The following AGBL1 variants were observed in gnomAD, a reference collection of about 807,000 sequenced individuals.
AGBL1 encodes the protein AGBL carboxypeptidase 1, also known as cytosolic carboxypeptidase 4.
AGBL1 carries 130 observed loss-of-function variants against 118.9 expected under a neutral mutation model. That is an observed-to-expected ratio of 1.09 (90% CI 0.95 to 1.26). The LOEUF is 1.26. AGBL1 is among the 50% of genes most tolerant of loss of function. AGBL1 has a pLI of 0.00. For missense variants in AGBL1, 1,584 were observed against 1,298.1 expected (o/e 1.22, Z -3.38); for synonymous variants, 555 against 478.9 (o/e 1.16, Z -2.08).
chr15:87,017,020 C>G (rs2081613658), intron 24 of AGBL1, among the ~76,000 whole-genome samples: 1 of 152,128 alleles, frequency 6.6e-6, no homozygotes, highest in Non-Finnish European at 1.5e-5. Flanking sequence ...GGAGCTAAAT[C>G]CAGGGAGCTG....
Position 86,911,597 on chromosome 15 carries a change from G to A in AGBL1, c.*4303G>A, listed in dbSNP as rs2080352773. 6.6e-6 allele frequency: 1 copy of A among 152,104 alleles called. No homozygotes were observed. The highest frequency in any genetic ancestry group is 2.4e-5 in the African/African-American group (1 of 41,420). 9.4% of individuals were successfully genotyped at this position (152,104 alleles called of 1,614,324 possible). A position where few individuals can be genotyped will look rare whatever the true frequency, so the allele number is the denominator to read the frequency against. ...TCTCTCTCATCGCACTTATGCTTGT[G>A]AGTGTCTACACACATATGCACATGC... On this transcript the variant is annotated 3_prime_UTR_variant, in exon 23 of 23. Transcript: ENST00000614907.
chr15:86,203,734 AC>A (rs2077944641), intron 5 of AGBL1, among the ~76,000 whole-genome samples: 1 of 151,976 alleles, frequency 6.6e-6, no homozygotes, highest in African/African-American at 2.4e-5. Context: ...CCTTGCCATT[AC>A]CTCCATTGTT....
At chr15:86,407,062 G>A (rs2081539594) in intron 18 of AGBL1, among the ~76,000 whole-genome samples, 2 of 152,046 alleles carry the variant, frequency 1.3e-5, no homozygotes, top group Admixed American at 1.3e-4. Context: ...TGTACTAATG[G>A]ATAGAAGTGA....
intron 21 of AGBL1, among the ~76,000 whole-genome samples, chr15:86,641,306 G>A (rs759800059): frequency 4.0e-5 from 6 of 151,898 alleles, no homozygotes; most frequent in Non-Finnish European, 5.9e-5. Context: ...ACAAATGAAT[G>A]TATAAAATAC....
chr15:86,500,288 T>C (rs1753962503), intron 18 of AGBL1, among the ~76,000 whole-genome samples: 1 of 151,776 alleles, frequency 6.6e-6, no homozygotes, highest in Non-Finnish European at 1.5e-5. Context: ...CATTAGGTTT[T>C]AGAGAACTTG....
At chr15:86,210,663 A>G (rs1277949549) in intron 5 of AGBL1, among the ~76,000 whole-genome samples, 1 of 152,208 alleles carries the variant, frequency 6.6e-6, no homozygotes, top group Non-Finnish European at 1.5e-5. Flanking sequence ...TTTCAGCTCC[A>G]TCAGGTCATT....
intron 22 of AGBL1, among the ~76,000 whole-genome samples, chr15:86,891,854 T>C (rs900213154): frequency 6.6e-6 from 1 of 152,146 alleles, no homozygotes; most frequent in African/African-American, 2.4e-5. Flanking sequence ...ACAGAAGGAA[T>C]GAGCAAATGA....
At chr15:86,574,734 C>T (rs1041285865) in intron 21 of AGBL1, among the ~76,000 whole-genome samples, 3 of 151,570 alleles carry the variant, frequency 2.0e-5, no homozygotes, top group Non-Finnish European at 2.9e-5. Flanking sequence ...AGCACCACCA[C>T]TCCTAGCTAA....
intron 18 of AGBL1, among the ~76,000 whole-genome samples, chr15:86,440,399 A>T (rs1219935887): frequency 2.0e-5 from 3 of 151,886 alleles, no homozygotes; most frequent in Non-Finnish European, 4.4e-5. Context: ...TCATCAACAA[A>T]GGAGAAGTTG....
chr15:86,283,289 G>A (rs1216697922), intron 16 of AGBL1, among the ~76,000 whole-genome samples: 1 of 151,912 alleles, frequency 6.6e-6, no homozygotes, highest in Admixed American at 6.6e-5. Context: ...TATTTTAGGA[G>A]GTAAAAAATT....
At chr15:86,722,511 A>G (rs551097959) in intron 22 of AGBL1, among the ~76,000 whole-genome samples, 2,629 of 152,276 alleles carry the variant, frequency 0.017, 86 homozygotes, top group African/African-American at 0.06. Flanking sequence ...TTAATTCAAG[A>G]TGGATTAAAG....
At chr15:86,813,862 C>G (rs2078824930) in intron 22 of AGBL1, among the ~76,000 whole-genome samples, 1 of 152,198 alleles carries the variant, frequency 6.6e-6, no homozygotes, top group Admixed American at 6.5e-5. Context: ...ATCCCATGAA[C>G]TTTGCACCTG....
chr15:86,395,148 GA>G (rs2141987036), intron 17 of AGBL1, among the ~76,000 whole-genome samples: 1 of 152,240 alleles, frequency 6.6e-6, no homozygotes, highest in Non-Finnish European at 1.5e-5. Flanking sequence ...TCTACAGGAT[GA>G]AGTCCAAATC....
At chr15:86,298,295 T>C (rs971930624) in intron 17 of AGBL1, among the ~76,000 whole-genome samples, 1 of 124,710 alleles carries the variant, frequency 8.0e-6, no homozygotes, top group African/African-American at 3.1e-5. Context: ...ACTATATATA[T>C]ATGGTAGCTA....
At chr15:86,486,189 T>C (rs2082710634) in intron 18 of AGBL1, among the ~76,000 whole-genome samples, 2 of 152,146 alleles carry the variant, frequency 1.3e-5, no homozygotes, top group South Asian at 4.1e-4. Flanking sequence ...GCACAATGTT[T>C]GGCACATGAC....
At chr15:86,885,917 C>A (rs975178708) in intron 22 of AGBL1, among the ~76,000 whole-genome samples, 42 of 152,120 alleles carry the variant, frequency 2.8e-4, no homozygotes, top group Admixed American at 2.1e-3. Context: ...GTAAAGAATT[C>A]TTTTAGTCTG....
chr15:86,166,332 C>G (rs1043126956), intron 5 of AGBL1, among the ~76,000 whole-genome samples: 1 of 152,186 alleles, frequency 6.6e-6, no homozygotes, highest in African/African-American at 2.4e-5. Flanking sequence ...TGAGGAAGGC[C>G]TTGCATTCTG....
chr15:86,522,998 C>T (rs937237148), intron 19 of AGBL1, 59 bp downstream of exon 19: 1 of 1,563,496 alleles, frequency 6.4e-7, no homozygotes, highest in African/African-American at 1.4e-5. Context: ...TTCCAGGAAG[C>T]AGAGTATATT....
Position 86,258,017 on chromosome 15 carries a change from G to T in AGBL1, c.955G>T (p.Asp319Tyr). The change falls in exon 9 of 23, where the codon GAT (aspartate) becomes TAT (tyrosine). Residue 319 changes from aspartate (D) to tyrosine (Y), a missense_variant. By Grantham distance (160) the Asp-to-Tyr change is radical. Coordinates refer to ENST00000614907, the MANE Select transcript of AGBL1 (RefSeq NM_001386094.1). The stretch of plus-strand genomic sequence containing the variant: ...AGTGGACAAAGACTCTGATACTGAA[G>T]ATGGGAAAGTGGAAGTAGGTACACC... ...DEVDKDSDTEDGKVEDDDLET... is the reference protein window; with the variant it reads ...DEVDKDSDTEYGKVEDDDLET... 1 of 1,613,712 alleles carries T rather than the reference G, an allele frequency of 6.2e-7. No individual in the cohort carries two copies. The highest frequency in any genetic ancestry group is 2.2e-5 in the East Asian group (1 of 44,856).
Sources: allele counts gnomAD v4.1 joint callset (sites outside exome capture counted in the v4.1 genomes callset), GRCh38; gene constraint gnomAD v4.1.1; transcripts MANE v1.5; gene names NCBI Gene and HGNC (gene_info 2026-07-23, HGNC 2026-07-21).